The following UNC5D variants were observed in gnomAD, a reference collection of about 807,000 sequenced individuals.
UNC5D encodes unc-5 netrin receptor D.
UNC5D carries 39 observed loss-of-function variants against 105.4 expected under a neutral mutation model. That is an observed-to-expected ratio of 0.37 (90% CI 0.29 to 0.48). UNC5D has a LOEUF of 0.48. Ranked by LOEUF, UNC5D falls within the 20% of genes least tolerant of loss-of-function variation. The probability of loss-of-function intolerance (pLI) is 0.98; values close to 1 mark genes in which losing one functional copy is unlikely to be tolerated. For missense variants in UNC5D, 991 were observed against 1,202.4 expected, an observed-to-expected ratio of 0.82 and a Z score of 2.60; for synonymous variants, 452 against 450.4, an observed-to-expected ratio of 1.00 and a Z score of -0.04.
chr8:35,402,602 C>T (rs997590959), intron 1 of UNC5D, among the ~76,000 whole-genome samples: 1 of 152,082 alleles, frequency 6.6e-6, no homozygotes, highest in Non-Finnish European at 1.5e-5. Flanking sequence ...GTTCTCATGA[C>T]ACACTGGGAG....
chr8:35,571,553 G>A (rs1817723814), intron 3 of UNC5D, among the ~76,000 whole-genome samples: 1 of 152,086 alleles, frequency 6.6e-6, no homozygotes, highest in African/African-American at 2.4e-5. Flanking sequence ...GGGGGTGGGG[G>A]AGTTGCCTTT....
At chr8:35,425,877 T>A (rs139380263) in intron 1 of UNC5D, among the ~76,000 whole-genome samples, 2 of 152,310 alleles carry the variant, frequency 1.3e-5, no homozygotes, top group African/African-American at 4.8e-5. Flanking sequence ...TAATATATAG[T>A]GATCAGACTG....
chr8:35,400,433 G>A (rs776161156), intron 1 of UNC5D, among the ~76,000 whole-genome samples: 5 of 151,968 alleles, frequency 3.3e-5, no homozygotes, highest in African/African-American at 7.3e-5. Context: ...TCATTATCCC[G>A]GATTACGCTA....
chr8:35,425,766 G>A (rs1187079346), intron 1 of UNC5D, among the ~76,000 whole-genome samples: 3 of 151,900 alleles, frequency 2.0e-5, no homozygotes, highest in Admixed American at 6.6e-5. Context: ...AATTTGTGAG[G>A]GTTTGTTTTC....
chr8:35,256,741 C>T lies in UNC5D; in HGVS notation c.103+20854C>T, dbSNP rs1804100023. On this transcript the variant is annotated intron_variant, in intron 1 of 16. Coordinates refer to ENST00000404895, the MANE Select transcript of UNC5D (RefSeq NM_080872.4). Reference sequence around the variant, plus strand: ...GCTGTCCTGGTATCATATCAAGGTGCTTCTAACTTCATAATGAAGAGGATG... The same window carrying T: ...GCTGTCCTGGTATCATATCAAGGTGTTTCTAACTTCATAATGAAGAGGATG... 2.0e-5 allele frequency: 3 copies of T among 152,064 alleles called. No individual in the cohort carries two copies. In the South Asian group the frequency reaches 6.2e-4, roughly 32 times the overall value. The allele number at this position is 152,064 out of a possible 1,614,324, so 9.4% of individuals were successfully genotyped here. A position where few individuals can be genotyped will look rare whatever the true frequency, so the allele number is the denominator to read the frequency against.
At chr8:35,284,159 C>A (rs1479042804) in intron 1 of UNC5D, among the ~76,000 whole-genome samples, 1 of 152,084 alleles carries the variant, frequency 6.6e-6, no homozygotes, top group Non-Finnish European at 1.5e-5. Flanking sequence ...CTAGTGTATG[C>A]TTTTCTCTGA....
intron 4 of UNC5D, among the ~76,000 whole-genome samples, chr8:35,631,203 A>G (rs922045472): frequency 6.6e-6 from 1 of 152,124 alleles, no homozygotes; most frequent in Non-Finnish European, 1.5e-5. Flanking sequence ...AGTCCCAGCT[A>G]CTGGGGAGAC....
intron 1 of UNC5D, among the ~76,000 whole-genome samples, chr8:35,285,759 G>C (rs1423022255): frequency 6.6e-6 from 1 of 152,092 alleles, no homozygotes; most frequent in Non-Finnish European, 1.5e-5. Flanking sequence ...CTTACCCCAA[G>C]AGATAGCCAG....
intron 1 of UNC5D, among the ~76,000 whole-genome samples, chr8:35,496,223 G>C (rs1488930794): frequency 6.6e-6 from 1 of 152,312 alleles, no homozygotes; most frequent in Non-Finnish European, 1.5e-5. Flanking sequence ...ACAGAGATAG[G>C]TAAGTATCTG....
At chr8:35,551,024 G>A (rs1192614362) in intron 2 of UNC5D, among the ~76,000 whole-genome samples, 1 of 152,192 alleles carries the variant, frequency 6.6e-6, no homozygotes, top group Non-Finnish European at 1.5e-5. Flanking sequence ...TCAAATAAGA[G>A]TGTGGAGCCC....
chr8:35,731,178 C>T (rs905811277), intron 11 of UNC5D, 82 bp downstream of exon 11: 12 of 1,340,910 alleles, frequency 8.9e-6, no homozygotes, highest in African/African-American at 5.8e-5. Flanking sequence ...GCAGGCAGAT[C>T]ACTTGAGGTC....
chr8:35,242,505 A>C (rs1441785347), intron 1 of UNC5D, among the ~76,000 whole-genome samples: 3 of 151,906 alleles, frequency 2.0e-5, no homozygotes, highest in Non-Finnish European at 4.4e-5. Context: ...TTGAGATGGG[A>C]TCTCGCTCTG....
chr8:35,462,609 T>G (rs1440927728), intron 1 of UNC5D, among the ~76,000 whole-genome samples: 1 of 152,190 alleles, frequency 6.6e-6, no homozygotes, highest in Non-Finnish European at 1.5e-5. Context: ...ATAATAATAT[T>G]ATGGGACTAA....
chr8:35,329,865 T>G (rs776326865), intron 1 of UNC5D, among the ~76,000 whole-genome samples: 4 of 152,134 alleles, frequency 2.6e-5, no homozygotes, highest in African/African-American at 4.8e-5. Flanking sequence ...CTTCTAGCAC[T>G]TGAGCAAGTA....
chr8:35,492,237 C>A (rs931883334), intron 1 of UNC5D, among the ~76,000 whole-genome samples: 2 of 152,038 alleles, frequency 1.3e-5, no homozygotes, highest in Non-Finnish European at 2.9e-5. Flanking sequence ...AGCTAATAAT[C>A]ACTAAGCTCT....
At chr8:35,357,596 C>T (rs546692182) in intron 1 of UNC5D, among the ~76,000 whole-genome samples, 3 of 152,214 alleles carry the variant, frequency 2.0e-5, no homozygotes, top group African/African-American at 7.2e-5. Flanking sequence ...ACTGTGTTGG[C>T]TTTGCTTATT....
intron 3 of UNC5D, among the ~76,000 whole-genome samples, chr8:35,569,737 C>T (rs1323443368): frequency 2.6e-5 from 4 of 152,212 alleles, no homozygotes. Flanking sequence ...ATCTTAAGTT[C>T]ATGTCTGTGC....
At chr8:35,767,995 A>G (rs1351747510) in intron 15 of UNC5D, among the ~76,000 whole-genome samples, 4 of 150,738 alleles carry the variant, frequency 2.7e-5, no homozygotes, top group African/African-American at 9.7e-5. Flanking sequence ...TTTCACTTAT[A>G]AAATAAATAT....
intron 16 of UNC5D, among the ~76,000 whole-genome samples, chr8:35,775,598 G>A (rs1291375414): frequency 6.6e-6 from 1 of 150,874 alleles, no homozygotes; most frequent in African/African-American, 2.5e-5. Context: ...TCTTTCCTTT[G>A]GTACTATTTT....
Sources: allele counts gnomAD v4.1 joint callset (sites outside exome capture counted in the v4.1 genomes callset), GRCh38; gene constraint gnomAD v4.1.1; transcripts MANE v1.5; gene names NCBI Gene and HGNC (gene_info 2026-07-23, HGNC 2026-07-21).